FAM20C: variants seen among roughly 807,000 people sequenced by gnomAD.
The protein encoded by FAM20C is extracellular serine/threonine protein kinase FAM20C.
In FAM20C, 40 loss-of-function variants were observed where a neutral mutation model predicts 51.5. The observed-to-expected ratio is 0.78, with a 90% CI of 0.60 to 1.01. The LOEUF is 1.01. FAM20C is among the 50% of genes least tolerant of loss of function. The pLI is 0.00. For synonymous variants in FAM20C, 406 were observed against 380.6 expected, an observed-to-expected ratio of 1.07 and a Z score of -0.78; for missense variants, 861 against 844.7, an observed-to-expected ratio of 1.02 and a Z score of -0.24.
chr7:258,341 C>G (rs772130001), intron 8 of FAM20C, among the ~76,000 whole-genome samples: 1 of 89,386 alleles, frequency 1.1e-5, no homozygotes. Context: ...TGGAGATGGG[C>G]AGGGTGGACC....
intron 8 of FAM20C, among the ~76,000 whole-genome samples, chr7:257,873 T>A (rs796164943): frequency 0.014 from 462 of 32,984 alleles, 9 homozygotes; most frequent in African/African-American, 0.018. Context: ...GAGATGGGGC[T>A]GGGTGGACCC....
chr7:255,911 G>A lies in FAM20C; in HGVS notation c.1135G>A (p.Gly379Arg). The change falls in exon 6 of 10, where the codon GGG becomes AGG. Residue 379 changes from glycine to arginine, a missense_variant. By Grantham distance (125) the Gly-to-Arg change is moderately radical. Transcript: ENST00000313766. ...YYCSTEHALC[G>R]KPDQIEGSLA... ...CTGCTCCACGGAGCACGCCCTGTGC[G>A]GGAAGCCAGACCAGATCGAGGGCTC... 2 of 1,536,464 alleles carry A rather than the reference G, an allele frequency of 1.3e-6. No individual in the cohort carries two copies. The highest frequency in any genetic ancestry group is 2.4e-5 in the East Asian group (1 of 40,904).
At chr7:236,863 G>A (rs1163539432) in intron 3 of FAM20C, among the ~76,000 whole-genome samples, 2 of 152,274 alleles carry the variant, frequency 1.3e-5, no homozygotes, top group South Asian at 4.1e-4. Flanking sequence ...CCTGGAATCT[G>A]GGGTCCCGGT....
At chr7:201,033 C>T (rs544787240) in intron 2 of FAM20C, among the ~76,000 whole-genome samples, 24 of 152,342 alleles carry the variant, frequency 1.6e-4, no homozygotes, top group Non-Finnish European at 2.8e-4. Flanking sequence ...GGACACCGAG[C>T]AGACCTCTCT....
intron 3 of FAM20C, among the ~76,000 whole-genome samples, chr7:211,427 G>T (rs998682263): frequency 6.8e-6 from 1 of 147,648 alleles, no homozygotes; most frequent in African/African-American, 2.5e-5. Flanking sequence ...TCCTCCCCAG[G>T]CCTCCCCAAA....
intron 1 of FAM20C, 41 bp from the exon 2 acceptor site, chr7:195,513 G>GTTC: frequency 6.8e-7 from 1 of 1,460,992 alleles, no homozygotes; most frequent in South Asian, 1.5e-5. Flanking sequence ...TCACGGGCCT[G>GTTC]TTCTTTCCAT....
At chr7:201,898 T>C (rs1177664585) in intron 2 of FAM20C, among the ~76,000 whole-genome samples, 1 of 152,250 alleles carries the variant, frequency 6.6e-6, no homozygotes, top group Non-Finnish European at 1.5e-5. Context: ...GGGCACTCTG[T>C]TCGTGCATGT....
At chr7:252,430 CTGGAG>C (rs1422380037) in intron 5 of FAM20C, among the ~76,000 whole-genome samples, 10 of 151,462 alleles carry the variant, frequency 6.6e-5, no homozygotes, top group African/African-American at 2.4e-4. Context: ...GGAGGCCCTG[CTGGAG>C]CCCAGAGCAC....
chr7:229,601 G>A (rs1447776684), intron 3 of FAM20C: 3 of 152,430 alleles, frequency 2.0e-5, no homozygotes, highest in South Asian at 2.1e-4. Context: ...AGACGGCCGC[G>A]TTTTGCCAAA....
chr7:207,465 G>A (rs529205539), intron 2 of FAM20C, among the ~76,000 whole-genome samples: 9 of 152,330 alleles, frequency 5.9e-5, no homozygotes, highest in African/African-American at 1.7e-4. Context: ...CTGTGGGGCC[G>A]GGGCCAGCCC....
intron 3 of FAM20C, among the ~76,000 whole-genome samples, chr7:220,730 G>C (rs1235344299): frequency 2.0e-5 from 3 of 152,182 alleles, no homozygotes; most frequent in African/African-American, 7.2e-5. Flanking sequence ...GGGAGGGCGG[G>C]ACCCGTGCAC....
rs1038527365 is a variant in FAM20C at position 230,378 on chromosome 7, G to T, written c.864-16037G>T. 4.0e-4 allele frequency among the ~76,000 whole-genome samples: 42 copies of T among 106,228 alleles called. 2 individuals are homozygous for T. In the East Asian group the frequency reaches 0.012, roughly 30 times the overall value. 69.7% of individuals were successfully genotyped at this position (106,228 alleles called of 152,430 possible). A position where few individuals can be genotyped will look rare whatever the true frequency, so the allele number is the denominator to read the frequency against. ...TCTTGTCCCCAGGACGGGGTGGGGG[G>T]GGGGGGGAACAGATCCCCGTGGCTT... On this transcript the variant is annotated intron_variant, in intron 3 of 9. Coordinates refer to ENST00000313766, the MANE Select transcript of FAM20C (RefSeq NM_020223.4).
chr7:233,770 A>C (rs1383669158), intron 3 of FAM20C, among the ~76,000 whole-genome samples: 2 of 152,360 alleles, frequency 1.3e-5, no homozygotes, highest in South Asian at 2.1e-4. Flanking sequence ...CCTGGGGTTC[A>C]GATGCGGACA....
chr7:247,472 G>A (rs1054855083), intron 4 of FAM20C, among the ~76,000 whole-genome samples: 1 of 152,202 alleles, frequency 6.6e-6, no homozygotes, highest in Non-Finnish European at 1.5e-5. Context: ...TGGGCTAGTT[G>A]GAATGCAGAG....
At chr7:207,802 T>C (rs1786502881) in intron 2 of FAM20C, among the ~76,000 whole-genome samples, 1 of 152,050 alleles carries the variant, frequency 6.6e-6, no homozygotes, top group African/African-American at 2.4e-5. Context: ...TGTGGCCAGC[T>C]TAGCTCCCGG....
In FAM20C at chr7:231,941, C is replaced by A. The variant is rs575781763; in HGVS notation, c.864-14474C>A. Among the ~76,000 whole-genome samples the A allele has an allele frequency of 1.1e-4, 16 of 152,310 alleles. No individual in the cohort carries two copies. The South Asian group carries it at 3.1e-3, about 30-fold the overall frequency. Reference sequence around the variant, plus strand: ...ACACCCAAGGACTCCATCCTCCGGCCCCAGCACCCGCCCCTGCCCAGGGTT... The same window carrying A: ...ACACCCAAGGACTCCATCCTCCGGCACCAGCACCCGCCCCTGCCCAGGGTT... On this transcript the variant is annotated intron_variant, in intron 3 of 9. Coordinates refer to ENST00000313766, the MANE Select transcript of FAM20C (RefSeq NM_020223.4).
intron 3 of FAM20C, among the ~76,000 whole-genome samples, chr7:233,461 T>A (rs1654071398): frequency 1.3e-5 from 2 of 152,282 alleles, no homozygotes; most frequent in South Asian, 4.1e-4. Flanking sequence ...GCAAACGCAG[T>A]GTCTTCAGAC....
intron 3 of FAM20C, among the ~76,000 whole-genome samples, chr7:214,409 G>C (rs1786867361): frequency 1.3e-5 from 2 of 152,182 alleles, no homozygotes; most frequent in South Asian, 4.1e-4. Context: ...CTTAATTTTA[G>C]GACGTCCAAT....
intron 3 of FAM20C, chr7:245,881 C>T (rs1279641019): frequency 6.5e-6 from 1 of 152,862 alleles, no homozygotes; most frequent in Non-Finnish European, 1.5e-5. Flanking sequence ...TTCTTGGGCT[C>T]TTACTGTGGG....
Sources: allele counts gnomAD v4.1 joint callset (sites outside exome capture counted in the v4.1 genomes callset), GRCh38; gene constraint gnomAD v4.1.1; transcripts MANE v1.5; gene names NCBI Gene and HGNC (gene_info 2026-07-23, HGNC 2026-07-21).